Variants in ATP11B observed in about 807,000 individuals in gnomAD.
The protein encoded by ATP11B is ATPase phospholipid transporting 11B (putative).
ATP11B carries 81 observed loss-of-function variants against 157.8 expected under a neutral mutation model. The ratio of observed to expected loss-of-function variants is 0.51; its 90% CI spans 0.43 to 0.62. The LOEUF (loss-of-function observed/expected upper bound fraction) is 0.62, where lower values mean the gene tolerates loss of function less well. Among genes scored for constraint, ATP11B ranks in the 20% least tolerant of loss-of-function variants. The probability of loss-of-function intolerance (pLI) is 0.00; values close to 1 mark genes in which losing one functional copy is unlikely to be tolerated. For synonymous variants in ATP11B, 451 were observed against 469.4 expected (o/e 0.96, Z 0.51); for missense variants, 1,165 against 1,402.2 (o/e 0.83, Z 2.70).
intron 1 of ATP11B, among the ~76,000 whole-genome samples, chr3:182,817,869 C>G (rs939684516): frequency 6.6e-6 from 1 of 151,518 alleles, no homozygotes; most frequent in African/African-American, 2.4e-5. Context: ...TTAAACTTTT[C>G]TTTAAGTGGT....
rs781263066 is a variant in ATP11B at position 182,898,759 on chromosome 3, C to A, written c.3305C>A (p.Thr1102Asn). 1 of 1,547,812 alleles carries A rather than the reference C, an allele frequency of 6.5e-7. No homozygotes were observed. Among genetic ancestry groups the A allele is most frequent in the South Asian group, 1.3e-5 (1 of 76,596 alleles). Reference protein sequence around the residue: ...VFDRHLHPTSTEKAQLTETNA... With the variant: ...VFDRHLHPTSNEKAQLTETNA... ...GACCGACACCTCCACCCTACAAGTA[C>A]TGAAAAGGCACAGGTAACCACTTTT... The change falls in exon 28 of 30, where the codon ACT (threonine) becomes AAT (asparagine). Residue 1102 changes from threonine to asparagine, a missense_variant. This residue lies in a region of ATP11B where 303 missense variants were observed against 296.3 expected (regional missense o/e 1.02). Coordinates refer to ENST00000323116, the MANE Select transcript of ATP11B (RefSeq NM_014616.3).
intron 1 of ATP11B, among the ~76,000 whole-genome samples, chr3:182,810,830 C>T (rs1334669162): frequency 6.6e-6 from 1 of 152,176 alleles, no homozygotes; most frequent in Admixed American, 6.5e-5. Context: ...GTATAACTTA[C>T]ATTTTAACAT....
chr3:182,843,963 G>A (rs1490180825), intron 8 of ATP11B: 1 of 152,116 alleles, frequency 6.6e-6, no homozygotes, highest in Non-Finnish European at 1.5e-5. Flanking sequence ...GAATAACTAT[G>A]CCTAGGTTTA....
At chr3:182,914,202 C>T (rs1020763066) in intron 29 of ATP11B, 1 of 1,369,132 alleles carries the variant, frequency 7.3e-7, no homozygotes, top group Non-Finnish European at 9.4e-7. Flanking sequence ...AGAGAAAGCA[C>T]CTTTGAAGAG....
Position 182,872,456 on chromosome 3 carries a change from A to T in ATP11B, c.1967A>T (p.Gln656Leu). The T allele has an allele frequency of 6.2e-7, 1 of 1,614,206 alleles. No homozygotes were observed. The highest frequency in any genetic ancestry group is 8.5e-7 in the Non-Finnish European group (1 of 1,180,020). ...TTTGAAGCCAGGACTGCCTTGCAGCAGCGGGAAGAGAAATTGGCAGCTGTT... is the reference window on the plus strand; with the variant it reads ...TTTGAAGCCAGGACTGCCTTGCAGCTGCGGGAAGAGAAATTGGCAGCTGTT... ...RIFEARTALQ[Q>L]REEKLAAVFQ... Residue 656 changes from glutamine to leucine, a missense_variant, in exon 18 of 30, where the codon CAG (glutamine) becomes CTG (leucine). This residue lies in a region of ATP11B where 737 missense variants were observed against 930.5 expected (regional missense o/e 0.79). Coordinates refer to ENST00000323116, the MANE Select transcript of ATP11B (RefSeq NM_014616.3).
At chr3:182,910,468 G>A (rs1724701839) in intron 28 of ATP11B, among the ~76,000 whole-genome samples, 1 of 152,162 alleles carries the variant, frequency 6.6e-6, no homozygotes. Flanking sequence ...CTACCCAGGA[G>A]GCTGAGGTGG....
intron 1 of ATP11B, among the ~76,000 whole-genome samples, chr3:182,809,474 C>A (rs1401795009): frequency 6.6e-6 from 1 of 152,146 alleles, no homozygotes; most frequent in Non-Finnish European, 1.5e-5. Context: ...TTCTTGAACT[C>A]CTGGCCTCAA....
intron 4 of ATP11B, 119 bp from the exon 5 acceptor site, chr3:182,835,916 G>C: frequency 1.5e-6 from 1 of 665,970 alleles, no homozygotes; most frequent in South Asian, 2.2e-5. Context: ...CATCCAAATA[G>C]CCTCATATGA....
At chr3:182,896,672 A>G (rs1723570587) in intron 25 of ATP11B, 28 bp from the exon 26 acceptor site, 1 of 1,568,290 alleles carries the variant, frequency 6.4e-7, no homozygotes, top group Non-Finnish European at 8.8e-7. Context: ...GTTAACACGT[A>G]ATGTAATAGT....
At chr3:182,904,011 A>G (rs1365622665) in intron 28 of ATP11B, among the ~76,000 whole-genome samples, 1 of 152,226 alleles carries the variant, frequency 6.6e-6, no homozygotes, top group Non-Finnish European at 1.5e-5. Flanking sequence ...TACTCTAATA[A>G]AACAGTAAGC....
rs113402182 is a variant in ATP11B, at chr3:182,896,798, T to C, written c.3048+33T>C. 8.8e-5 allele frequency: 134 copies of C among 1,521,238 alleles called. No homozygotes were observed. The African/African-American group carries it at 1.6e-3, about 19-fold the overall frequency. The allele number at this position is 1,521,238 out of a possible 1,614,324, so 94.2% of individuals were successfully genotyped here. A position where few individuals can be genotyped will look rare whatever the true frequency, so the allele number is the denominator to read the frequency against. On this transcript the variant is annotated intron_variant, in intron 26 of 29. Coordinates refer to ENST00000323116, the MANE Select transcript of ATP11B (RefSeq NM_014616.3). ...ACTGAAATTAGAAATGTGGACACAT[T>C]TTGCAACTGTTTACATAGTTAGTTA...
In ATP11B at chr3:182,834,223, T is replaced by G. The variant is rs568620226; in HGVS notation, c.316-1812T>G. Among the ~76,000 whole-genome samples, 7 of 152,374 alleles carry G rather than the reference T, an allele frequency of 4.6e-5. No homozygotes were observed. In the South Asian group the frequency reaches 1.4e-3, roughly 32 times the overall value. On this transcript the variant is annotated intron_variant, in intron 4 of 29. Transcript: ENST00000323116. ...TTCTCTAAAATGACATACTGCAACT[T>G]AAATAAGGCCAACATAATTTAGGTG... is the stretch of plus-strand genomic sequence containing the variant.
chr3:182,840,834 A>G (rs967129057), intron 7 of ATP11B, among the ~76,000 whole-genome samples: 3 of 152,148 alleles, frequency 2.0e-5, no homozygotes, highest in South Asian at 4.1e-4. Flanking sequence ...GATTACTGCT[A>G]TTTTATAGTC....
At chr3:182,804,234 ATTTCTTTTTTTTTTCTTTTTT>A (rs1716181476) in intron 1 of ATP11B, among the ~76,000 whole-genome samples, 1 of 151,148 alleles carries the variant, frequency 6.6e-6, no homozygotes. Context: ...AGGAATTTAG[ATTTCTTTTTTTTTTCTTTTTT>A]TTTCTTTTGA....
chr3:182,838,500 T>C (rs905227681), intron 7 of ATP11B, among the ~76,000 whole-genome samples: 3 of 152,050 alleles, frequency 2.0e-5, no homozygotes, highest in African/African-American at 7.2e-5. Flanking sequence ...TGGAAGTATG[T>C]GTTTTGTTTT....
At chr3:182,910,138 A>G (rs1577117500) in intron 28 of ATP11B, among the ~76,000 whole-genome samples, 1 of 151,728 alleles carries the variant, frequency 6.6e-6, no homozygotes, top group East Asian at 1.9e-4. Flanking sequence ...AAGGAAACAT[A>G]TACATACAAA....
At position 182,865,553 on chromosome 3, in the gene ATP11B, A is replaced by G. The variant is rs750462067; in HGVS notation, c.1298A>G (p.Asn433Ser). The G allele has an allele frequency of 4.3e-6, 7 of 1,613,908 alleles. No homozygotes were observed. Among genetic ancestry groups the G allele is most frequent in the Admixed American group, 3.3e-5 (2 of 60,028 alleles). The change falls in exon 13 of 30, where the codon AAT becomes AGT. Residue 433 changes from asparagine to serine, a missense_variant. Coordinates refer to ENST00000323116, the MANE Select transcript of ATP11B (RefSeq NM_014616.3). ...AATGGCATGAAATACCAAGAAATTA[A>G]TGGTAGACTTGTACCCGAAGGACCA... ...SINGMKYQEINGRLVPEGPTP... is the reference protein window; with the variant it reads ...SINGMKYQEISGRLVPEGPTP...
chr3:182,883,594 C>A (rs577549380), intron 21 of ATP11B, among the ~76,000 whole-genome samples: 15 of 151,464 alleles, frequency 9.9e-5, no homozygotes, highest in African/African-American at 3.4e-4. Context: ...CATTTTTATA[C>A]GTGTTTTTGT....
intron 28 of ATP11B, among the ~76,000 whole-genome samples, chr3:182,903,716 T>C (rs1342708399): frequency 2.0e-5 from 3 of 152,224 alleles, no homozygotes; most frequent in Non-Finnish European, 2.9e-5. Context: ...GAGCCAAATA[T>C]GTGTATCACA....
Sources: gnomAD v4.1 joint callset for allele counts (sites outside exome capture counted in the v4.1 genomes callset) on GRCh38, gnomAD v4.1.1 for gene constraint, gnomAD v4.1.1 regional missense constraint, MANE v1.5 for transcripts, NCBI Gene and HGNC (gene_info 2026-07-23, HGNC 2026-07-21) for gene names.